Variants in CFAP299 observed in about 807,000 individuals in gnomAD.
The protein encoded by CFAP299 is cilia and flagella associated protein 299, also known as cilia- and flagella-associated protein 299.
CFAP299 carries 21 observed loss-of-function variants against 27.0 expected under a neutral mutation model. The ratio of observed to expected loss-of-function variants is 0.78; its 90% CI spans 0.55 to 1.12. CFAP299 has a LOEUF of 1.12. Among genes scored for constraint, CFAP299 ranks in the 50% most tolerant of loss-of-function variants. CFAP299 has a pLI of 0.00. For missense variants in CFAP299, 310 were observed against 276.6 expected (o/e 1.12, Z -0.86); for synonymous variants, 104 against 98.1 (o/e 1.06, Z -0.36).
chr4:80,400,998 G>A (rs1225810188), intron 2 of CFAP299, among the ~76,000 whole-genome samples: 2 of 152,186 alleles, frequency 1.3e-5, no homozygotes, highest in African/African-American at 4.8e-5. Context: ...GTGGCATTTT[G>A]CCCCTGCCCT....
intron 3 of CFAP299, among the ~76,000 whole-genome samples, chr4:80,746,627 A>G (rs2110067912): frequency 6.6e-6 from 1 of 152,098 alleles, no homozygotes; most frequent in East Asian, 1.9e-4. Context: ...AGAGATGGGT[A>G]TGCTCCTTAG....
intron 2 of CFAP299, among the ~76,000 whole-genome samples, chr4:80,480,270 A>AT (rs150131232): frequency 0.11 from 16,310 of 151,768 alleles, 2,051 homozygotes; most frequent in African/African-American, 0.3. Context: ...GCATAATAAA[A>AT]TTTTTTTTAA....
rs546222269 is a variant in CFAP299 at position 80,507,567 on chromosome 4, A to T, written c.243-75526A>T. 2.8e-3 allele frequency among the ~76,000 whole-genome samples: 426 copies of T among 152,294 alleles called. 1 individual carries two copies. Among genetic ancestry groups the T allele is most frequent in the Non-Finnish European group, 3.1e-3 (210 of 68,012 alleles). ...GAAGATTCAATTTTAATTGAAATCT[A>T]ATCTATCATCAAATCATGCTGCTTC... On this transcript the variant is annotated intron_variant, in intron 2 of 5. Coordinates refer to ENST00000358105, the MANE Select transcript of CFAP299 (RefSeq NM_152770.3).
intron 2 of CFAP299, among the ~76,000 whole-genome samples, chr4:80,448,343 A>G (rs1343818052): frequency 1.3e-5 from 2 of 152,206 alleles, no homozygotes; most frequent in East Asian, 3.8e-4. Context: ...ATCACAAACT[A>G]TAATCATCAT....
chr4:80,692,490 A>T (rs1398600217), intron 3 of CFAP299, among the ~76,000 whole-genome samples: 1 of 152,228 alleles, frequency 6.6e-6, no homozygotes, highest in East Asian at 1.9e-4. Context: ...CTGGCTAGCC[A>T]TATGTAGAAA....
intron 3 of CFAP299, among the ~76,000 whole-genome samples, chr4:80,739,051 C>T (rs1455527246): frequency 6.6e-6 from 1 of 152,012 alleles, no homozygotes; most frequent in East Asian, 1.9e-4. Context: ...AAACTCTATA[C>T]TTTAGTTTCG....
chr4:80,505,403 G>A (rs1731973805), intron 2 of CFAP299, among the ~76,000 whole-genome samples: 1 of 148,448 alleles, frequency 6.7e-6, no homozygotes, highest in South Asian at 2.2e-4. Context: ...AGGAAATGGT[G>A]TCTTATTATT....
chr4:80,340,281 A>G (rs1390449595), intron 1 of CFAP299, among the ~76,000 whole-genome samples: 1 of 152,186 alleles, frequency 6.6e-6, no homozygotes, highest in East Asian at 1.9e-4. Flanking sequence ...CACTTCTCCC[A>G]CAGATCGTTG....
At chr4:80,551,595 A>G (rs1269595242) in intron 2 of CFAP299, among the ~76,000 whole-genome samples, 2 of 152,140 alleles carry the variant, frequency 1.3e-5, no homozygotes, top group Non-Finnish European at 2.9e-5. Context: ...TAATAGTACC[A>G]TGGTTCTAGA....
intron 4 of CFAP299, among the ~76,000 whole-genome samples, chr4:80,929,136 C>A (rs1736448913): frequency 6.6e-6 from 1 of 152,158 alleles, no homozygotes; most frequent in Admixed American, 6.6e-5. Context: ...AGTATCAGTT[C>A]CCATCCAGTC....
chr4:80,408,824 T>G (rs1031161342), intron 2 of CFAP299, among the ~76,000 whole-genome samples: 3 of 36,634 alleles, frequency 8.2e-5, no homozygotes, highest in Non-Finnish European at 2.5e-4. Flanking sequence ...AACAAAAACA[T>G]AACTTTTGCT....
At chr4:80,937,247 T>G (rs1736936109) in intron 4 of CFAP299, among the ~76,000 whole-genome samples, 2 of 151,452 alleles carry the variant, frequency 1.3e-5, no homozygotes, top group Admixed American at 6.6e-5. Flanking sequence ...TAAGAATAAC[T>G]ATTTTTTTCT....
At chr4:80,603,755 T>C (rs1737491621) in intron 3 of CFAP299, among the ~76,000 whole-genome samples, 1 of 152,160 alleles carries the variant, frequency 6.6e-6, no homozygotes, top group African/African-American at 2.4e-5. Context: ...TAGAATACTG[T>C]ACAAATATTA....
chr4:80,843,110 T>C (rs1262175325), intron 3 of CFAP299, among the ~76,000 whole-genome samples: 2 of 151,920 alleles, frequency 1.3e-5, no homozygotes, highest in African/African-American at 2.4e-5. Context: ...CTTTAAGTTC[T>C]AGGGTACATG....
chr4:80,683,106 C>T (rs1382554074), intron 3 of CFAP299, among the ~76,000 whole-genome samples: 1 of 152,112 alleles, frequency 6.6e-6, no homozygotes, highest in African/African-American at 2.4e-5. Context: ...ACCTCTATCT[C>T]CAAGATAAGA....
rs1202433382 is a variant in CFAP299, at chr4:80,799,636, T to A, written c.334-70357T>A. ...ATTATATATTTATAAATATATAATA[T>A]ATAAAATATATATTTTATATATTAT... On this transcript the variant is annotated intron_variant, in intron 3 of 5. Coordinates refer to ENST00000358105, the MANE Select transcript of CFAP299 (RefSeq NM_152770.3). Among the ~76,000 whole-genome samples, 6 of 40,982 alleles carry A rather than the reference T, an allele frequency of 1.5e-4. 1 individual carries two copies. Among genetic ancestry groups the A allele is most frequent in the Non-Finnish European group, 2.0e-4 (5 of 25,560 alleles). 26.9% of individuals were successfully genotyped at this position (40,982 alleles called of 152,430 possible).
chr4:80,484,057 G>T (rs58593245), intron 2 of CFAP299, among the ~76,000 whole-genome samples: 2 of 151,884 alleles, frequency 1.3e-5, no homozygotes, highest in African/African-American at 4.8e-5. Context: ...TTTTAAAAAT[G>T]ATAGGTGATT....
rs538817876 is a variant in CFAP299, at chr4:80,828,179, A to T, written c.334-41814A>T. Reference sequence around the variant, plus strand: ...TAATTGCAATGACATTTTTTTTTGCAAAAATAGAAAAGTCCTTTCTGAAAT... The same window carrying T: ...TAATTGCAATGACATTTTTTTTTGCTAAAATAGAAAAGTCCTTTCTGAAAT... On this transcript the variant is annotated intron_variant, in intron 3 of 5. Coordinates refer to ENST00000358105, the MANE Select transcript of CFAP299 (RefSeq NM_152770.3). Among the ~76,000 whole-genome samples the T allele has an allele frequency of 2.0e-5, 3 of 151,752 alleles. No homozygotes were observed. The East Asian group carries it at 5.8e-4, about 29-fold the overall frequency.
chr4:80,580,247 A>G lies in CFAP299; in HGVS notation c.243-2846A>G, dbSNP rs1736096029. ...AAGATTTACATTCTCATGAGGTGAA[A>G]TGACATTGACAAAGCTTGAGGTGTA... On this transcript the variant is annotated intron_variant, in intron 2 of 5. Transcript: ENST00000358105. Among the ~76,000 whole-genome samples the G allele has an allele frequency of 2.6e-5, 4 of 152,070 alleles. No homozygotes were observed. The South Asian group carries it at 8.3e-4, about 31-fold the overall frequency.
Sources: allele counts gnomAD v4.1 joint callset (sites outside exome capture counted in the v4.1 genomes callset), GRCh38; gene constraint gnomAD v4.1.1; transcripts MANE v1.5; gene names NCBI Gene and HGNC (gene_info 2026-07-23, HGNC 2026-07-21).